The following GRIK5 variants were observed in gnomAD, a reference collection of about 807,000 sequenced individuals.
GRIK5 encodes glutamate receptor ionotropic, kainate 5.
A neutral mutation model predicts 97.4 loss-of-function variants in GRIK5; 43 were observed. The observed-to-expected ratio is 0.44, with a 90% confidence interval of 0.35 to 0.57. The LOEUF is 0.57. Ranked by LOEUF, GRIK5 falls within the 20% of genes least tolerant of loss-of-function variation. The pLI is 0.01. For missense variants in GRIK5, 1,015 were observed against 1,382.0 expected (o/e 0.73, Z 4.21); for synonymous variants, 580 against 583.5 (o/e 0.99, Z 0.09).
At chr19:42,000,368 T>G (rs1373484357) in intron 19 of GRIK5, among the ~76,000 whole-genome samples, 3 of 152,148 alleles carry the variant, frequency 2.0e-5, no homozygotes, top group Non-Finnish European at 4.4e-5. Context: ...GAGAAAGGTC[T>G]GGATTCTGGA....
chr19:41,998,797 G>T lies in GRIK5; in HGVS notation c.*74C>A. 2.6e-6 allele frequency: 2 copies of T among 757,278 alleles called. No homozygotes were observed. The highest frequency in any genetic ancestry group is 3.3e-6 in the Non-Finnish European group (2 of 603,268). The allele number at this position is 757,278 out of a possible 1,614,324, so 46.9% of individuals were successfully genotyped here. ...GTCCTGTCCCGCGCCCGCTGCGGGA[G>T]CGGAGACTGCTGGGGCCTGGGGCGG... is the stretch of plus-strand genomic sequence containing the variant. On this transcript the variant is annotated 3_prime_UTR_variant, in exon 20 of 20. Transcript: ENST00000593562.
At chr19:42,057,211 A>G (rs936500316) in intron 6 of GRIK5, among the ~76,000 whole-genome samples, 10 of 152,116 alleles carry the variant, frequency 6.6e-5, no homozygotes, top group African/African-American at 2.4e-4. Context: ...CTGCTGTCCC[A>G]GGTGGGACAT....
chr19:42,030,039 G>A (rs1363572876), intron 12 of GRIK5, among the ~76,000 whole-genome samples: 1 of 152,118 alleles, frequency 6.6e-6, no homozygotes, highest in East Asian at 1.9e-4. Flanking sequence ...CTACTGCCAT[G>A]ACCTCTTAGT....
At chr19:42,014,028 CA>C (rs1050872672) in intron 15 of GRIK5, among the ~76,000 whole-genome samples, 1,176 of 69,684 alleles carry the variant, frequency 0.017, 10 homozygotes, top group South Asian at 0.065. Flanking sequence ...GACTCCATCT[CA>C]AAAAAAAAAA....
intron 5 of GRIK5, among the ~76,000 whole-genome samples, chr19:42,061,148 C>T (rs983441747): frequency 9.2e-5 from 14 of 152,134 alleles, no homozygotes; most frequent in Admixed American, 2.6e-4. Flanking sequence ...CCCGGGTTCA[C>T]GCCATTCTCC....
intron 19 of GRIK5, among the ~76,000 whole-genome samples, chr19:42,001,450 A>G (rs2075422675): frequency 6.6e-6 from 1 of 152,154 alleles, no homozygotes; most frequent in Non-Finnish European, 1.5e-5. Flanking sequence ...GCTGGTCTTG[A>G]ACTCCTGGCC....
chr19:42,032,045 T>A (rs2075846281), intron 12 of GRIK5, among the ~76,000 whole-genome samples: 1 of 152,150 alleles, frequency 6.6e-6, no homozygotes, highest in South Asian at 2.1e-4. Context: ...CTGGGGAGGT[T>A]GAGGCTGCAG....
intron 19 of GRIK5, chr19:42,001,926 C>G: frequency 3.4e-6 from 2 of 594,510 alleles, no homozygotes; most frequent in South Asian, 4.2e-5. Context: ...GAGAAGCAGT[C>G]TAAGGACTGA....
At chr19:42,068,664 A>C in intron 1 of GRIK5, 2 of 429,810 alleles carry the variant, frequency 4.7e-6, no homozygotes, top group Admixed American at 8.5e-5. Flanking sequence ...GGAAAGAGGG[A>C]AGCCAGGGTG....
chr19:41,998,787 C>T lies in GRIK5; in HGVS notation c.*84G>A, dbSNP rs1164607394. 5 of 686,732 alleles carry T rather than the reference C, an allele frequency of 7.3e-6. No individual in the cohort carries two copies. The highest frequency in any genetic ancestry group is 6.3e-4 in the Middle Eastern group (1 of 1,576). 42.5% of individuals were successfully genotyped at this position (686,732 alleles called of 1,614,324 possible). A position where few individuals can be genotyped will look rare whatever the true frequency, so the allele number is the denominator to read the frequency against. ...CGGCGCACAAGTCCTGTCCCGCGCC[C>T]GCTGCGGGAGCGGAGACTGCTGGGG... On this transcript the variant is annotated 3_prime_UTR_variant, in exon 20 of 20. Transcript: ENST00000593562.
intron 10 of GRIK5, 55 bp from the exon 11 acceptor site, chr19:42,053,764 C>T: frequency 5.8e-6 from 9 of 1,550,308 alleles, no homozygotes; most frequent in South Asian, 5.6e-5. Flanking sequence ...TCATGGCAGC[C>T]TCTGGGCCCG....
intron 3 of GRIK5, among the ~76,000 whole-genome samples, chr19:42,064,923 G>T (rs73051460): frequency 0.044 from 6,655 of 152,228 alleles, 206 homozygotes; most frequent in Middle Eastern, 0.065. Context: ...TCCATGCCTG[G>T]GGCTTGTTAT....
chr19:42,040,976 G>A (rs1407083532), intron 12 of GRIK5, among the ~76,000 whole-genome samples: 1 of 152,142 alleles, frequency 6.6e-6, no homozygotes, highest in African/African-American at 2.4e-5. Context: ...AGCTTTATGG[G>A]GCAGCGCCTT....
At position 42,054,341 on chromosome 19, in the gene GRIK5, G is replaced by A. The variant is rs2076154560; in HGVS notation, c.1035C>T (p.Ser345=). Residue 345 remains serine, a synonymous_variant, in exon 9 of 20, where the codon AGC becomes AGT. Transcript: ENST00000593562. ...TSANIWPHGT[S]LMNYLRMVEY... is the part of the protein sequence containing the mutation. The stretch of plus-strand genomic sequence containing the variant: ...TCACCATGCGCAGGTAGTTCATGAG[G>A]CTGGTCCCGTGGGGCCAAATGTTGG... 1.2e-6 allele frequency: 2 copies of A among 1,612,356 alleles called. No homozygotes were observed. Among genetic ancestry groups the A allele is most frequent in the Non-Finnish European group, 1.7e-6 (2 of 1,179,454 alleles).
chr19:42,066,692 G>A (rs1599859429), intron 1 of GRIK5, among the ~76,000 whole-genome samples: 1 of 151,834 alleles, frequency 6.6e-6, no homozygotes, highest in African/African-American at 2.4e-5. Context: ...GGGAGAAAGA[G>A]GGAAGAGACA....
intron 6 of GRIK5, among the ~76,000 whole-genome samples, chr19:42,059,006 G>A (rs936183979): frequency 6.6e-6 from 1 of 151,932 alleles, no homozygotes; most frequent in South Asian, 2.1e-4. Context: ...CCCATCACTC[G>A]CTCTCTGGGC....
rs759189154 is a variant in GRIK5 at position 42,065,598 on chromosome 19, G to A, written c.79+94C>T. 65 of 1,151,586 alleles carry A rather than the reference G, an allele frequency of 5.6e-5. No individual in the cohort carries two copies. Among genetic ancestry groups the A allele is most frequent in the Non-Finnish European group, 7.9e-5 (63 of 799,898 alleles). The allele number at this position is 1,151,586 out of a possible 1,614,324, so 71.3% of individuals were successfully genotyped here. A position where few individuals can be genotyped will look rare whatever the true frequency, so the allele number is the denominator to read the frequency against. On this transcript the variant is annotated intron_variant, in intron 2 of 19. Coordinates refer to ENST00000593562, the MANE Select transcript of GRIK5 (RefSeq NM_002088.5). The surrounding 1 kb of genome is among the most constrained non-coding windows in gnomAD (Gnocchi z 5.8). ...CTGGGATTCCTTGCTGCTGAAGAGA[G>A]CTGAGACCTGGACCCTGACGGACTG...
intron 12 of GRIK5, among the ~76,000 whole-genome samples, chr19:42,037,786 G>A (rs139444927): frequency 1.4e-3 from 209 of 152,270 alleles, no homozygotes; most frequent in African/African-American, 4.9e-3. Flanking sequence ...AGCAGCCCAC[G>A]TCCAGTGACA....
chr19:42,012,153 T>G (rs1242159213), intron 15 of GRIK5, among the ~76,000 whole-genome samples: 2 of 152,186 alleles, frequency 1.3e-5, no homozygotes, highest in Non-Finnish European at 2.9e-5. Context: ...CTGCTGTCTA[T>G]TTTTGTACAG....
Sources: allele counts gnomAD v4.1 joint callset (sites outside exome capture counted in the v4.1 genomes callset), GRCh38; gene constraint gnomAD v4.1.1; non-coding constraint Gnocchi (gnomAD v3.1); transcripts MANE v1.5; gene names NCBI Gene and HGNC (gene_info 2026-07-23, HGNC 2026-07-21).